The following GRID2 variants were observed in gnomAD, a reference collection of about 807,000 sequenced individuals.
GRID2 encodes glutamate receptor ionotropic, delta-2.
Under a neutral mutation model 114.8 loss-of-function variants are expected in GRID2, and 33 were observed. The ratio of observed to expected loss-of-function variants is 0.29; its 90% CI spans 0.22 to 0.38. GRID2 has a LOEUF of 0.38. Among genes scored for constraint, GRID2 ranks in the 10% least tolerant of loss-of-function variants. GRID2 has a pLI of 1.00. For missense variants in GRID2, 1,184 were observed against 1,257.7 expected (o/e 0.94, Z 0.89); for synonymous variants, 505 against 449.9 (o/e 1.12, Z -1.55).
intron 14 of GRID2, among the ~76,000 whole-genome samples, chr4:93,707,890 C>A (rs1728147972): frequency 6.6e-6 from 1 of 151,726 alleles, no homozygotes. Flanking sequence ...TGTTTTGTTT[C>A]CATTTTCATT....
intron 3 of GRID2, among the ~76,000 whole-genome samples, chr4:93,092,332 G>A (rs556552737): frequency 3.3e-5 from 5 of 152,088 alleles, no homozygotes; most frequent in African/African-American, 1.2e-4. Flanking sequence ...TGATCAGACT[G>A]GAACAATAAT....
intron 8 of GRID2, among the ~76,000 whole-genome samples, chr4:93,290,188 C>A (rs957042225): frequency 7.2e-5 from 11 of 152,110 alleles, no homozygotes; most frequent in African/African-American, 2.7e-4. Flanking sequence ...AAATAAATTT[C>A]ATGTTCAAGT....
intron 2 of GRID2, among the ~76,000 whole-genome samples, chr4:92,616,983 A>T (rs943562561): frequency 2.6e-5 from 4 of 151,514 alleles, no homozygotes; most frequent in Admixed American, 2.0e-4. Flanking sequence ...ATGTATAGTG[A>T]TTATATACAC....
At chr4:93,615,707 GT>G (rs1741566636) in intron 13 of GRID2, among the ~76,000 whole-genome samples, 1 of 149,018 alleles carries the variant, frequency 6.7e-6, no homozygotes, top group East Asian at 2.0e-4. Context: ...GTGACTTACT[GT>G]TTTATTTTTT....
chr4:93,696,796 C>T (rs1356386647), intron 14 of GRID2, among the ~76,000 whole-genome samples: 1 of 152,144 alleles, frequency 6.6e-6, no homozygotes, highest in African/African-American at 2.4e-5. Context: ...CCCTTTTAAT[C>T]ACTCCCTCCT....
At chr4:92,541,472 T>C (rs913089561) in intron 1 of GRID2, among the ~76,000 whole-genome samples, 4 of 147,720 alleles carry the variant, frequency 2.7e-5, no homozygotes, top group African/African-American at 9.8e-5. Context: ...ATTAATCTTA[T>C]CTCAATTTTC....
chr4:92,825,125 C>T (rs960320843), intron 2 of GRID2, among the ~76,000 whole-genome samples: 4 of 152,052 alleles, frequency 2.6e-5, no homozygotes, highest in Non-Finnish European at 4.4e-5. Flanking sequence ...TGCAAACAAT[C>T]GTCCACCTCT....
At chr4:93,254,316 T>C (rs2149536625) in intron 8 of GRID2, among the ~76,000 whole-genome samples, 1 of 152,256 alleles carries the variant, frequency 6.6e-6, no homozygotes, top group East Asian at 1.9e-4. Context: ...TTTAACATAA[T>C]TCCACAAACA....
chr4:92,835,238 A>G (rs1742375569), intron 2 of GRID2, among the ~76,000 whole-genome samples: 1 of 151,854 alleles, frequency 6.6e-6, no homozygotes, highest in African/African-American at 2.4e-5. Flanking sequence ...GGGTAGGGAA[A>G]GTATCTCAAA....
At chr4:92,380,923 C>T (rs1729592396) in intron 1 of GRID2, among the ~76,000 whole-genome samples, 1 of 151,884 alleles carries the variant, frequency 6.6e-6, no homozygotes, top group African/African-American at 2.4e-5. Flanking sequence ...TACTATATCT[C>T]CTCTGTGAGC....
Position 93,552,444 on chromosome 4 carries a change from A to G in GRID2, c.2193+37033A>G, listed in dbSNP as rs866256164. ...GGTATTTCTAGTTCTAGATCCCTGA[A>G]GAATCGCCACACTGACTTCCACAAT... On this transcript the variant is annotated intron_variant, in intron 13 of 15. Coordinates refer to ENST00000282020, the MANE Select transcript of GRID2 (RefSeq NM_001510.4). Among the ~76,000 whole-genome samples the G allele has an allele frequency of 1.2e-4, 19 of 152,202 alleles. No homozygotes were observed. In the East Asian group the frequency reaches 1.9e-3, roughly 16 times the overall value.
intron 1 of GRID2, among the ~76,000 whole-genome samples, chr4:92,327,139 G>T (rs1331823637): frequency 6.6e-6 from 1 of 151,808 alleles, no homozygotes; most frequent in East Asian, 1.9e-4. Context: ...CTTTTTTGGT[G>T]CTTTACAAAT....
intron 8 of GRID2, among the ~76,000 whole-genome samples, chr4:93,254,324 A>G (rs1450030899): frequency 6.6e-6 from 1 of 152,122 alleles, no homozygotes; most frequent in Non-Finnish European, 1.5e-5. Flanking sequence ...AATTCCACAA[A>G]CAGCTTGGAT....
At chr4:93,378,185 ATAATT>A (rs1052950357) in intron 8 of GRID2, among the ~76,000 whole-genome samples, 1 of 152,098 alleles carries the variant, frequency 6.6e-6, no homozygotes, top group African/African-American at 2.4e-5. Context: ...TGCTCTGAAA[ATAATT>A]TAATATGTTT....
chr4:93,040,373 G>A (rs1049707397), intron 2 of GRID2, among the ~76,000 whole-genome samples: 8 of 151,976 alleles, frequency 5.3e-5, no homozygotes, highest in African/African-American at 1.9e-4. Flanking sequence ...AACAATTTGA[G>A]ATTTGAAAAG....
intron 11 of GRID2, among the ~76,000 whole-genome samples, chr4:93,490,420 G>T (rs1357132641): frequency 1.3e-5 from 2 of 151,764 alleles, no homozygotes; most frequent in Non-Finnish European, 2.9e-5. Flanking sequence ...ATTTAAACAT[G>T]TTATACTAAA....
intron 7 of GRID2, among the ~76,000 whole-genome samples, chr4:93,226,190 T>A (rs1745465415): frequency 6.6e-6 from 1 of 152,154 alleles, no homozygotes; most frequent in Non-Finnish European, 1.5e-5. Context: ...ATCCCTATAG[T>A]TCCAAAAGTT....
At chr4:92,366,657 C>A (rs1004459224) in intron 1 of GRID2, among the ~76,000 whole-genome samples, 2 of 151,884 alleles carry the variant, frequency 1.3e-5, no homozygotes, top group African/African-American at 4.8e-5. Flanking sequence ...ATCAAATCAC[C>A]ACATAGAAAA....
chr4:92,942,810 A>T (rs1038071538), intron 2 of GRID2, among the ~76,000 whole-genome samples: 3 of 152,088 alleles, frequency 2.0e-5, no homozygotes, highest in African/African-American at 7.2e-5. Context: ...AAAGGATTTT[A>T]TTTCTCCTTC....
Sources: allele counts gnomAD v4.1 joint callset (sites outside exome capture counted in the v4.1 genomes callset), GRCh38; gene constraint gnomAD v4.1.1; transcripts MANE v1.5; gene names NCBI Gene and HGNC (gene_info 2026-07-23, HGNC 2026-07-21).